B3GALT1: variants seen among roughly 807,000 people sequenced by gnomAD.
The protein encoded by B3GALT1 is UDP-Gal:betaGlcNAc beta 1,3-galactosyltransferase, polypeptide 1.
A neutral mutation model predicts 23.2 loss-of-function variants in B3GALT1; 10 were observed. The ratio of observed to expected loss-of-function variants is 0.43; its 90% CI spans 0.27 to 0.73. B3GALT1 has a LOEUF of 0.73. B3GALT1 is among the 30% of genes least tolerant of loss of function. The probability of loss-of-function intolerance (pLI) is 0.21; values close to 1 mark genes in which losing one functional copy is unlikely to be tolerated. For synonymous variants in B3GALT1, 156 were observed against 141.5 expected (o/e 1.10, Z -0.73); for missense variants, 299 against 405.4 (o/e 0.74, Z 2.25).
intron 1 of B3GALT1, among the ~76,000 whole-genome samples, chr2:167,398,930 A>C (rs1698142566): frequency 6.6e-6 from 1 of 152,152 alleles, no homozygotes; most frequent in Non-Finnish European, 1.5e-5. Context: ...CAGTATATTT[A>C]ATGCCAAGGT....
At chr2:167,462,813 A>C (rs989644170) in intron 1 of B3GALT1, among the ~76,000 whole-genome samples, 1 of 152,118 alleles carries the variant, frequency 6.6e-6, no homozygotes, top group Non-Finnish European at 1.5e-5. Context: ...ATATTTTTTA[A>C]AACTAATGCT....
chr2:167,387,590 G>C (rs895409848), intron 1 of B3GALT1, among the ~76,000 whole-genome samples: 3 of 152,336 alleles, frequency 2.0e-5, no homozygotes, highest in Non-Finnish European at 1.5e-5. Flanking sequence ...TACACTTGCT[G>C]TAAAAACTTC....
intron 3 of B3GALT1, among the ~76,000 whole-genome samples, chr2:167,647,331 A>G (rs549004537): frequency 5.8e-4 from 88 of 152,308 alleles, no homozygotes; most frequent in African/African-American, 2.1e-3. Flanking sequence ...TGAACAGGAA[A>G]GGGAAGCCCT....
At chr2:167,332,015 A>G (rs1044772500) in intron 1 of B3GALT1, among the ~76,000 whole-genome samples, 2 of 152,132 alleles carry the variant, frequency 1.3e-5, no homozygotes, top group Non-Finnish European at 2.9e-5. Flanking sequence ...GGTGGGGGCT[A>G]TGTTCGCTAA....
At chr2:167,320,064 T>G (rs1696784560) in intron 1 of B3GALT1, among the ~76,000 whole-genome samples, 1 of 152,110 alleles carries the variant, frequency 6.6e-6, no homozygotes, top group Admixed American at 6.5e-5. Flanking sequence ...CTTACATTGC[T>G]TGACTTCTTT....
chr2:167,435,198 A>G (rs1698764248), intron 1 of B3GALT1, among the ~76,000 whole-genome samples: 6 of 151,850 alleles, frequency 4.0e-5, no homozygotes, highest in African/African-American at 2.4e-5. Flanking sequence ...CTTTACAACA[A>G]CCTTTGCTTG....
chr2:167,753,607 CGTGAACAT>C (rs1046427032), intron 3 of B3GALT1, among the ~76,000 whole-genome samples: 2 of 152,290 alleles, frequency 1.3e-5, no homozygotes. Flanking sequence ...CCTCCCTGCC[CGTGAACAT>C]GTGGAAAAAT....
intron 4 of B3GALT1, among the ~76,000 whole-genome samples, chr2:167,827,731 T>A (rs575669711): frequency 6.6e-6 from 1 of 152,228 alleles, no homozygotes; most frequent in African/African-American, 2.4e-5. Flanking sequence ...CAAACTGGAA[T>A]GGAAACCAGA....
At chr2:167,391,425 T>C (rs527609681) in intron 1 of B3GALT1, among the ~76,000 whole-genome samples, 2 of 152,340 alleles carry the variant, frequency 1.3e-5, no homozygotes, top group South Asian at 4.1e-4. Flanking sequence ...CTTTTAATAA[T>C]ATTGGATTTT....
chr2:167,604,858 A>G (rs1314434095), intron 2 of B3GALT1, among the ~76,000 whole-genome samples: 1 of 152,228 alleles, frequency 6.6e-6, no homozygotes, highest in African/African-American at 2.4e-5. Flanking sequence ...GGAAGATCAT[A>G]GGCAAGGAAG....
intron 2 of B3GALT1, among the ~76,000 whole-genome samples, chr2:167,590,542 GA>G (rs869234866): frequency 2.7e-4 from 41 of 151,246 alleles, no homozygotes; most frequent in South Asian, 6.3e-4. Flanking sequence ...CCCAAGGGGG[GA>G]AAAAAAAGAA....
At chr2:167,824,187 T>C (rs1689165215) in intron 4 of B3GALT1, among the ~76,000 whole-genome samples, 1 of 152,052 alleles carries the variant, frequency 6.6e-6, no homozygotes, top group South Asian at 2.1e-4. Context: ...TTAGCTGGAG[T>C]CTAGAAAGCA....
intron 3 of B3GALT1, among the ~76,000 whole-genome samples, chr2:167,807,652 T>C (rs537969003): frequency 6.6e-6 from 1 of 152,346 alleles, no homozygotes; most frequent in African/African-American, 2.4e-5. Context: ...TCCTGAGTTC[T>C]AGTTTGATTG....
intron 2 of B3GALT1, chr2:167,631,490 T>C (rs1001038590): frequency 2.0e-5 from 3 of 151,826 alleles, no homozygotes; most frequent in Non-Finnish European, 2.9e-5. Context: ...TATGGTTTTC[T>C]GGTGGAAACT....
At chr2:167,747,031 C>G (rs79174757) in intron 3 of B3GALT1, among the ~76,000 whole-genome samples, 5,581 of 152,214 alleles carry the variant, frequency 0.037, 371 homozygotes, top group African/African-American at 0.13. Context: ...TTCCCCATAT[C>G]GTACCTCCAA....
At position 167,691,985 on chromosome 2, in the gene B3GALT1, A is replaced by G. The variant is rs534594538; in HGVS notation, c.-352+45019A>G. 2.0e-5 allele frequency among the ~76,000 whole-genome samples: 3 copies of G among 152,292 alleles called. No homozygotes were observed. In the South Asian group the frequency reaches 6.2e-4, roughly 32 times the overall value. On this transcript the variant is annotated intron_variant, in intron 3 of 4. Coordinates refer to ENST00000392690, the MANE Select transcript of B3GALT1 (RefSeq NM_020981.4). ...TGAGGCCTATGTGGGACATGTGCTCAATATTCATGTACGTATTAGTTGGCC... is the reference window on the plus strand; with the variant it reads ...TGAGGCCTATGTGGGACATGTGCTCGATATTCATGTACGTATTAGTTGGCC...
At chr2:167,344,273 A>C (rs1697193399) in intron 1 of B3GALT1, among the ~76,000 whole-genome samples, 2 of 152,174 alleles carry the variant, frequency 1.3e-5, no homozygotes. Context: ...ACTCGCCCCC[A>C]AAACAAACTC....
At chr2:167,659,838 C>T (rs17641876) in intron 3 of B3GALT1, among the ~76,000 whole-genome samples, 27,789 of 151,920 alleles carry the variant, frequency 0.18, 3,079 homozygotes, top group Non-Finnish European at 0.26. Flanking sequence ...TCTTCTTCCT[C>T]GAGTGGATAA....
intron 3 of B3GALT1, among the ~76,000 whole-genome samples, chr2:167,662,071 T>C (rs1686069220): frequency 1.1e-5 from 1 of 92,752 alleles, no homozygotes; most frequent in South Asian, 3.6e-4. Context: ...TTTTCAGAGA[T>C]GTTAAAAAAA....
Sources: allele counts gnomAD v4.1 joint callset (sites outside exome capture counted in the v4.1 genomes callset), GRCh38; gene constraint gnomAD v4.1.1; transcripts MANE v1.5; gene names NCBI Gene and HGNC (gene_info 2026-07-23, HGNC 2026-07-21).